Variants in ATP13A5 observed in about 807,000 individuals in gnomAD.
ATP13A5 encodes ATPase 13A5.
A neutral mutation model predicts 150.2 loss-of-function variants in ATP13A5; 149 were observed. That is an observed-to-expected ratio of 0.99 (90% CI 0.87 to 1.14). ATP13A5 has a LOEUF of 1.14. Ranked by LOEUF, ATP13A5 falls within the 50% of genes most tolerant of loss-of-function variation. ATP13A5 has a pLI of 0.00. For synonymous variants in ATP13A5, 497 were observed against 522.2 expected, an observed-to-expected ratio of 0.95 and a Z score of 0.66; for missense variants, 1,383 against 1,449.3, an observed-to-expected ratio of 0.95 and a Z score of 0.74.
At chr3:193,365,938 C>A (rs1486072426) in intron 1 of ATP13A5, among the ~76,000 whole-genome samples, 2 of 152,000 alleles carry the variant, frequency 1.3e-5, no homozygotes, top group Non-Finnish European at 1.5e-5. Context: ...AGTAAGGTGG[C>A]AAATTGTATC....
chr3:193,345,055 G>A lies in ATP13A5; in HGVS notation c.762C>T (p.Asn254=), dbSNP rs771727420. The change falls in exon 8 of 30, where the codon AAC becomes AAT. Residue 254 remains asparagine, a synonymous_variant. Coordinates refer to ENST00000342358, the MANE Select transcript of ATP13A5 (RefSeq NM_198505.4). The stretch of plus-strand genomic sequence containing the variant: ...GGACTTTGTTGTGGTCCTCCACGAG[G>A]TTATGCAGCTTAACTGATTGCTACC... ...DLRQQSVKLH[N]LVEDHNKVQV... The A allele has an allele frequency of 1.9e-6, 3 of 1,613,650 alleles. No homozygotes were observed. Among genetic ancestry groups the A allele is most frequent in the Middle Eastern group, 1.7e-4 (1 of 6,058 alleles).
At chr3:193,281,430 C>T (rs1717489871) in intron 27 of ATP13A5, among the ~76,000 whole-genome samples, 2 of 152,284 alleles carry the variant, frequency 1.3e-5, no homozygotes, top group Non-Finnish European at 2.9e-5. Context: ...AATGTTGGCT[C>T]TTCTTGGTTA....
At position 193,335,048 on chromosome 3, in the gene ATP13A5, A is replaced by T. The variant is rs771278274; in HGVS notation, c.995T>A (p.Met332Lys). The change falls in exon 10 of 30, where the codon ATG (methionine) becomes AAG (lysine). Residue 332 changes from methionine (M) to lysine (K), a missense_variant. Met to Lys is a moderately conservative substitution (Grantham distance 95, BLOSUM62 -1). Coordinates refer to ENST00000342358, the MANE Select transcript of ATP13A5 (RefSeq NM_198505.4). ...CTCCAAACTGTGACATTTCCAAGGC[A>T]TAGTGTTCTCCATCTGGGGCAATGG... ...KTPLPQMENT[M>K]PWKCHSLEDY... The T allele has an allele frequency of 4.2e-5, 68 of 1,613,860 alleles. No homozygotes were observed. The highest frequency in any genetic ancestry group is 5.4e-5 in the Non-Finnish European group (64 of 1,179,840).
At chr3:193,289,862 C>G (rs1471254452) in intron 26 of ATP13A5, 23 bp downstream of exon 26, 2 of 1,544,602 alleles carry the variant, frequency 1.3e-6, no homozygotes, top group South Asian at 1.2e-5. Flanking sequence ...CTTTCGAAAG[C>G]AGCACTAAGA....
intron 15 of ATP13A5, 72 bp from the exon 16 acceptor site, chr3:193,321,909 G>A (rs1719295594): frequency 3.3e-6 from 5 of 1,532,588 alleles, no homozygotes; most frequent in South Asian, 1.2e-5. Context: ...CCAACAAAAG[G>A]GCTTTACTGT....
intron 7 of ATP13A5, among the ~76,000 whole-genome samples, chr3:193,345,791 AAAGCTAC>A (rs1196572038): frequency 6.6e-6 from 1 of 152,210 alleles, no homozygotes; most frequent in African/African-American, 2.4e-5. Flanking sequence ...TTAACAAACC[AAAGCTAC>A]ATTTCTTGAA....
At chr3:193,374,814 T>G (rs9844823) in intron 1 of ATP13A5, among the ~76,000 whole-genome samples, 146,375 of 152,316 alleles carry the variant, frequency 0.96, 70,366 homozygotes, top group African/African-American at 0.98. Flanking sequence ...AGATTACAAG[T>G]CTCTGCCCTT....
At chr3:193,324,739 T>C (rs372956586) in intron 14 of ATP13A5, 125 bp downstream of exon 14, 17 of 1,027,320 alleles carry the variant, frequency 1.7e-5, no homozygotes, top group Non-Finnish European at 2.4e-5. Flanking sequence ...GTTCTGGTAG[T>C]GTTACACGCT....
chr3:193,313,387 T>G (rs1272208129), intron 19 of ATP13A5: 1 of 152,230 alleles, frequency 6.6e-6, no homozygotes, highest in Non-Finnish European at 1.5e-5. Flanking sequence ...TAGGGCCATA[T>G]CTTTGAATTC....
chr3:193,351,790 C>T (rs1313359038), intron 6 of ATP13A5, among the ~76,000 whole-genome samples: 3 of 152,160 alleles, frequency 2.0e-5, no homozygotes, highest in Non-Finnish European at 4.4e-5. Flanking sequence ...GGCTGCAGAG[C>T]AAATCATGAG....
chr3:193,378,292 A>T (rs552415260), intron 1 of ATP13A5, among the ~76,000 whole-genome samples: 49 of 152,342 alleles, frequency 3.2e-4, no homozygotes, highest in African/African-American at 1.1e-3. Context: ...AAAGCACGAG[A>T]ATAAAAAAGA....
At chr3:193,284,032 A>ATTATTATTT (rs1274851620) in intron 27 of ATP13A5, among the ~76,000 whole-genome samples, 3 of 149,432 alleles carry the variant, frequency 2.0e-5, no homozygotes, top group African/African-American at 7.4e-5. Flanking sequence ...TATTATTATT[A>ATTATTATTT]TTTTTTGAGA....
At chr3:193,377,517 T>G (rs762429122) in intron 1 of ATP13A5, among the ~76,000 whole-genome samples, 1 of 152,222 alleles carries the variant, frequency 6.6e-6, no homozygotes, top group Non-Finnish European at 1.5e-5. Context: ...ATTTTACACA[T>G]AAAGCATATT....
chr3:193,306,993 C>A, intron 22 of ATP13A5: 1 of 584,136 alleles, frequency 1.7e-6, no homozygotes, highest in Non-Finnish European at 2.2e-6. Context: ...GGGAAGAAAT[C>A]ACCTCCTTGA....
rs1164328709 is a variant in ATP13A5, at chr3:193,363,958, CGT to C, written c.237+147_237+148del. The C allele has an allele frequency of 3.7e-5, 31 of 841,690 alleles. No individual in the cohort carries two copies. The African/African-American group carries it at 4.8e-4, about 13-fold the overall frequency. The allele number at this position is 841,690 out of a possible 1,614,324, so 52.1% of individuals were successfully genotyped here. ...AAATGGATTGCAGAGGTAATTTTGCCGTATTTTCTCCTGTTTTGATCTATGGA... is the reference window on the plus strand; with the variant it reads ...AAATGGATTGCAGAGGTAATTTTGCCATTTTCTCCTGTTTTGATCTATGGA... On this transcript the variant is annotated intron_variant, in intron 2 of 29. Coordinates refer to ENST00000342358, the MANE Select transcript of ATP13A5 (RefSeq NM_198505.4).
At chr3:193,289,192 C>T (rs562685885) in intron 26 of ATP13A5, among the ~76,000 whole-genome samples, 60 of 152,156 alleles carry the variant, frequency 3.9e-4, no homozygotes, top group Non-Finnish European at 7.2e-4. Flanking sequence ...CTTTTATCGG[C>T]AGAAAGACTT....
rs541864223 is a variant in ATP13A5, at chr3:193,321,787, G to C, written c.1809C>G (p.Ser603Arg). 1.3e-5 allele frequency: 21 copies of C among 1,614,116 alleles called. No homozygotes were observed. In the South Asian group the frequency reaches 1.9e-4, roughly 14 times the overall value. The change falls in exon 16 of 30, where the codon AGC becomes AGG. Residue 603 changes from serine (S) to arginine (R), a missense_variant. Ser to Arg is a moderately radical substitution (Grantham distance 110). This residue lies in a region of ATP13A5 where 787 missense variants were observed against 771.9 expected (regional missense o/e 1.02). Coordinates refer to ENST00000342358, the MANE Select transcript of ATP13A5 (RefSeq NM_198505.4). ...GAGCGATCACGGACATCCTCTGCAGGCTCGAGGAAAATGGAAACTGGCACA... is the reference window on the plus strand; with the variant it reads ...GAGCGATCACGGACATCCTCTGCAGCCTCGAGGAAAATGGAAACTGGCACA... ...ITLCQFPFSSSLQRMSVIAQL... is the reference protein window; with the variant it reads ...ITLCQFPFSSRLQRMSVIAQL...
intron 5 of ATP13A5, among the ~76,000 whole-genome samples, chr3:193,359,513 TG>T (rs1405800924): frequency 1.3e-5 from 2 of 152,220 alleles, no homozygotes; most frequent in African/African-American, 4.8e-5. Context: ...TCTTGCTGTC[TG>T]TCACTCGGAT....
At chr3:193,325,625 C>T (rs369392468) in intron 13 of ATP13A5, among the ~76,000 whole-genome samples, 4 of 152,182 alleles carry the variant, frequency 2.6e-5, no homozygotes, top group African/African-American at 9.7e-5. Context: ...TCTAGGGCTA[C>T]TTAGGGAGCA....
Sources: gnomAD v4.1 joint callset for allele counts (sites outside exome capture counted in the v4.1 genomes callset) on GRCh38, gnomAD v4.1.1 for gene constraint, gnomAD v4.1.1 regional missense constraint, MANE v1.5 for transcripts, NCBI Gene and HGNC (gene_info 2026-07-23, HGNC 2026-07-21) for gene names.